Variants in XDH observed in about 807,000 individuals in gnomAD.
XDH encodes xanthine dehydrogenase/oxidase.
In XDH, 138 loss-of-function variants were observed where a neutral mutation model predicts 156.1. The observed-to-expected ratio is 0.88, with a 90% CI of 0.77 to 1.02. The LOEUF (loss-of-function observed/expected upper bound fraction) is 1.02, where lower values mean the gene tolerates loss of function less well. Ranked by LOEUF, XDH falls within the 50% of genes least tolerant of loss-of-function variation. XDH has a pLI of 0.00. For missense variants in XDH, 1,849 were observed against 1,684.9 expected (o/e 1.10, Z -1.71); for synonymous variants, 669 against 625.7 (o/e 1.07, Z -1.03).
rs764631976 is a variant in XDH, at chr2:31,368,583, C to T, written c.2058G>A (p.Val686=). 66 of 1,614,064 alleles carry T rather than the reference C, an allele frequency of 4.1e-5. No individual in the cohort carries two copies. Among genetic ancestry groups the T allele is most frequent in the Non-Finnish European group, 5.4e-5 (64 of 1,180,032 alleles). Residue 686 remains valine (V), a synonymous_variant, in exon 19 of 36, where the codon GTG becomes GTA. Transcript: ENST00000379416. ...PEHTQRAAQG[V]KITYEELPAI... ...CTGGTAGTTCTTCATAGGTGATTTT[C>T]ACCCCTTGGGCAGCTCTCTGTGTGT...
rs140029978 is a variant in XDH, at chr2:31,357,604, G to C, written c.2631+6554C>G. Among the ~76,000 whole-genome samples, 551 of 152,024 alleles carry C rather than the reference G, an allele frequency of 3.6e-3. 4 individuals are homozygous for C. Among genetic ancestry groups the C allele is most frequent in the African/African-American group, 0.013 (535 of 41,516 alleles). On this transcript the variant is annotated intron_variant, in intron 24 of 35. Coordinates refer to ENST00000379416, the MANE Select transcript of XDH (RefSeq NM_000379.4). Reference sequence around the variant, plus strand: ...GATGGTTAATACATATAAAAATATAGTTAGAATGAGTAACATCTAGCATAC... The same window carrying C: ...GATGGTTAATACATATAAAAATATACTTAGAATGAGTAACATCTAGCATAC...
At chr2:31,382,854 T>G in intron 11 of XDH, 147 bp downstream of exon 11, 1 of 1,194,004 alleles carries the variant, frequency 8.4e-7, no homozygotes, top group Non-Finnish European at 1.2e-6. Context: ...CCCAGGAATC[T>G]GCACTTTAAC....
Position 31,335,706 on chromosome 2 carries a change from C to T in XDH, c.*252G>A, listed in dbSNP as rs1407936914. On this transcript the variant is annotated 3_prime_UTR_variant, in exon 36 of 36. Transcript: ENST00000379416. ...CCCTATTCCAGATACATGATTAAAA[C>T]AGACAGAAAATGATCCTAATTGCAT... is the stretch of plus-strand genomic sequence containing the variant. 1.2e-5 allele frequency: 7 copies of T among 594,068 alleles called. No individual in the cohort carries two copies. Among genetic ancestry groups the T allele is most frequent in the East Asian group, 2.9e-5 (1 of 34,698 alleles). 36.8% of individuals were successfully genotyped at this position (594,068 alleles called of 1,614,324 possible). A position where few individuals can be genotyped will look rare whatever the true frequency, so the allele number is the denominator to read the frequency against.
chr2:31,345,018 A>C (rs1192476572), intron 30 of XDH, among the ~76,000 whole-genome samples: 2 of 152,070 alleles, frequency 1.3e-5, no homozygotes, highest in Non-Finnish European at 1.5e-5. Context: ...CACACTGTGC[A>C]TGTCACTACC....
At chr2:31,358,895 G>C (rs574410593) in intron 24 of XDH, among the ~76,000 whole-genome samples, 1 of 152,078 alleles carries the variant, frequency 6.6e-6, no homozygotes, top group Non-Finnish European at 1.5e-5. Context: ...GTTCTGCAAG[G>C]TCTGGCTAGC....
chr2:31,364,322 C>A, intron 23 of XDH, 78 bp from the exon 24 acceptor site: 1 of 1,391,822 alleles, frequency 7.2e-7, no homozygotes. Flanking sequence ...GATCCTCCCT[C>A]CCACTTATGT....
chr2:31,400,236 CTT>C (rs34200607), intron 4 of XDH, among the ~76,000 whole-genome samples: 21,705 of 123,954 alleles, frequency 0.18, 1,651 homozygotes, highest in African/African-American at 0.3. Flanking sequence ...CTGGTAACTT[CTT>C]TTTTTTTTTT....
chr2:31,366,564 G>A (rs1243028892), intron 21 of XDH, among the ~76,000 whole-genome samples: 1 of 152,174 alleles, frequency 6.6e-6, no homozygotes, highest in Non-Finnish European at 1.5e-5. Context: ...GAGGCCATAG[G>A]CACTGAAATG....
chr2:31,339,594 A>G lies in XDH; in HGVS notation c.3669T>C (p.Arg1223=), dbSNP rs1249566869. The G allele has an allele frequency of 6.2e-7, 1 of 1,614,202 alleles. No individual in the cohort carries two copies. Among genetic ancestry groups the G allele is most frequent in the Non-Finnish European group, 8.5e-7 (1 of 1,180,030 alleles). Residue 1223 remains arginine, a synonymous_variant, in exon 34 of 36, where the codon CGT becomes CGC. Transcript: ENST00000379416. ...HYSPEGSLHT[R]GPSTYKIPAF... ...CCGGGATCTTGTAGGTGCTAGGGCCACGGGTGTGCAGGCTCCCCTCGGGGG... is the reference window on the plus strand; with the variant it reads ...CCGGGATCTTGTAGGTGCTAGGGCCGCGGGTGTGCAGGCTCCCCTCGGGGG...
chr2:31,352,690 A>AT (rs906798518), intron 24 of XDH, among the ~76,000 whole-genome samples: 3 of 152,136 alleles, frequency 2.0e-5, no homozygotes, highest in African/African-American at 7.2e-5. Flanking sequence ...TTTCAACGTG[A>AT]TTTTTTCCCA....
At chr2:31,337,926 T>A in intron 34 of XDH, 109 bp from the exon 35 acceptor site, 1 of 1,252,518 alleles carries the variant, frequency 8.0e-7, no homozygotes, top group Non-Finnish European at 1.1e-6. Context: ...GGAGGGCTGG[T>A]GGCACCAGGA....
At chr2:31,394,806 C>T (rs1237363849) in intron 6 of XDH, among the ~76,000 whole-genome samples, 1 of 152,098 alleles carries the variant, frequency 6.6e-6, no homozygotes, top group African/African-American at 2.4e-5. Context: ...CTTTTCTCAG[C>T]CATGTCCAGT....
In XDH at chr2:31,337,804, G is replaced by A. The variant is rs771988140; in HGVS notation, c.3788C>T (p.Pro1263Leu). ...GATAGAAGCAGCCAGGAAGAGGGGC[G>A]GCTCTCCAACAGCCTGAACACAGAC... ...AIYASKAVGE[P>L]PLFLAASIFF... is the part of the protein sequence containing the mutation. The change falls in exon 35 of 36, where the codon CCG becomes CTG. Residue 1263 changes from proline to leucine, a missense_variant. Physicochemically the swap from Pro to Leu is moderately conservative, Grantham distance 98 (BLOSUM62 -3). Transcript: ENST00000379416. 1.1e-5 allele frequency: 17 copies of A among 1,613,940 alleles called. No homozygotes were observed. Among genetic ancestry groups the A allele is most frequent in the Admixed American group, 3.3e-5 (2 of 59,988 alleles).
chr2:31,401,595 C>A (rs1687062938), intron 3 of XDH, among the ~76,000 whole-genome samples: 1 of 152,218 alleles, frequency 6.6e-6, no homozygotes, highest in African/African-American at 2.4e-5. Context: ...TGAGCAGGAG[C>A]AACGGAGCCA....
chr2:31,353,462 C>A (rs531087468), intron 24 of XDH, among the ~76,000 whole-genome samples: 1 of 152,182 alleles, frequency 6.6e-6, no homozygotes, highest in East Asian at 1.9e-4. Context: ...AAATCAACCA[C>A]AACAACAATG....
intron 5 of XDH, 89 bp from the exon 6 acceptor site, chr2:31,397,818 C>T (rs1043419794): frequency 2.1e-6 from 3 of 1,439,064 alleles, no homozygotes; most frequent in Non-Finnish European, 2.9e-6. Flanking sequence ...AAGTTGGGTG[C>T]TCTCTTTACC....
intron 20 of XDH, among the ~76,000 whole-genome samples, chr2:31,367,670 C>T (rs1685957162): frequency 6.6e-6 from 1 of 152,186 alleles, no homozygotes; most frequent in East Asian, 1.9e-4. Flanking sequence ...AGACCTAAGG[C>T]TGTCAGGCAT....
At chr2:31,394,503 GT>G (rs950286646) in intron 6 of XDH, among the ~76,000 whole-genome samples, 10 of 152,000 alleles carry the variant, frequency 6.6e-5, no homozygotes, top group Admixed American at 5.9e-4. Flanking sequence ...TATAGTTTTT[GT>G]TTGGTTTTGG....
Position 31,375,437 on chromosome 2 carries a change from G to C in XDH, c.1545C>G (p.Phe515Leu). ...VDFRCTLTLS[F>L]FFKFYLTVLQ... The stretch of plus-strand genomic sequence containing the variant: ...GGACTGTCAGGTAGAACTTGAAGAA[G>C]AAGCTGAGGGTGAGGGTGCACCGGA... Residue 515 changes from phenylalanine to leucine, a missense_variant, in exon 15 of 36, where the codon TTC (phenylalanine) becomes TTG (leucine). Transcript: ENST00000379416. 1 of 1,614,222 alleles carries C rather than the reference G, an allele frequency of 6.2e-7. No homozygotes were observed. The highest frequency in any genetic ancestry group is 8.5e-7 in the Non-Finnish European group (1 of 1,180,048).
Sources: allele counts gnomAD v4.1 joint callset (sites outside exome capture counted in the v4.1 genomes callset), GRCh38; gene constraint gnomAD v4.1.1; transcripts MANE v1.5; gene names NCBI Gene and HGNC (gene_info 2026-07-23, HGNC 2026-07-21).